The following CNGA1 variants were observed in gnomAD, a reference collection of about 807,000 sequenced individuals.
CNGA1 encodes the protein cyclic nucleotide-gated channel alpha-1.
Under a neutral mutation model 69.7 loss-of-function variants are expected in CNGA1, and 53 were observed. The ratio of observed to expected loss-of-function variants is 0.76; its 90% confidence interval spans 0.61 to 0.96. CNGA1 has a LOEUF of 0.96. CNGA1 is among the 40% of genes least tolerant of loss of function. The probability of loss-of-function intolerance (pLI) is 0.00; values close to 1 mark genes in which losing one functional copy is unlikely to be tolerated. For missense variants in CNGA1, 739 were observed against 811.2 expected (o/e 0.91, Z 1.08); for synonymous variants, 249 against 283.5 (o/e 0.88, Z 1.22).
At chr4:47,939,956 A>G (rs1014341892) in intron 10 of CNGA1, among the ~76,000 whole-genome samples, 5 of 152,210 alleles carry the variant, frequency 3.3e-5, no homozygotes, top group Non-Finnish European at 5.9e-5. Flanking sequence ...TACCCCTTCG[A>G]TGTGAAGCAT....
At chr4:48,010,530 C>T (rs1297264580) in intron 2 of CNGA1, among the ~76,000 whole-genome samples, 1 of 152,102 alleles carries the variant, frequency 6.6e-6, no homozygotes, top group Non-Finnish European at 1.5e-5. Flanking sequence ...TGGGTCGCTT[C>T]CAAGATGGTG....
chr4:47,987,707 T>C (rs1219461545), intron 2 of CNGA1, among the ~76,000 whole-genome samples: 3 of 152,114 alleles, frequency 2.0e-5, no homozygotes, highest in Non-Finnish European at 2.9e-5. Flanking sequence ...ATTATTGATA[T>C]GATAAAGAAG....
intron 2 of CNGA1, among the ~76,000 whole-genome samples, chr4:47,988,351 G>A (rs183063731): frequency 3.3e-5 from 5 of 152,098 alleles, no homozygotes; most frequent in African/African-American, 1.2e-4. Flanking sequence ...TAAAGAAAAA[G>A]GAAAATAAGG....
At chr4:47,976,262 TATATATATAC>T (rs1741386445) in intron 3 of CNGA1, among the ~76,000 whole-genome samples, 3 of 32,942 alleles carry the variant, frequency 9.1e-5, no homozygotes, top group African/African-American at 9.1e-4. Flanking sequence ...TACACATACA[TATATATATAC>T]ATATATATGT....
chr4:48,007,131 G>C (rs1021033406), intron 2 of CNGA1, among the ~76,000 whole-genome samples: 3 of 151,388 alleles, frequency 2.0e-5, no homozygotes, highest in African/African-American at 7.3e-5. Context: ...AATAAAAACA[G>C]CATGAAGCCA....
chr4:48,000,741 C>G (rs35435999), intron 2 of CNGA1, among the ~76,000 whole-genome samples: 172 of 7,578 alleles, frequency 0.023, 1 homozygote, highest in South Asian at 0.032. Flanking sequence ...GTGGGGGAAG[C>G]GGGGGGGTGG....
chr4:47,945,579 G>T (rs1347127471), intron 6 of CNGA1, among the ~76,000 whole-genome samples: 2 of 152,160 alleles, frequency 1.3e-5, no homozygotes, highest in Non-Finnish European at 2.9e-5. Context: ...ATAGATTCCT[G>T]GATGAGATAT....
In CNGA1 at chr4:47,984,704, AAT is replaced by A. The variant is rs765391486; in HGVS notation, c.-122-3206_-122-3205del. 6.1e-3 allele frequency among the ~76,000 whole-genome samples: 911 copies of A among 149,668 alleles called. 7 individuals are homozygous for A. The highest frequency in any genetic ancestry group is 9.4e-3 in the Non-Finnish European group (630 of 67,236). On this transcript the variant is annotated intron_variant, in intron 2 of 10. Transcript: ENST00000514170. ...CACACACACACACACATATATATAT[AAT>A]ATATATAATTGTCCCTCACATCTAA...
intron 3 of CNGA1, among the ~76,000 whole-genome samples, chr4:47,965,587 C>G (rs923402950): frequency 3.9e-5 from 6 of 151,924 alleles, no homozygotes; most frequent in African/African-American, 1.2e-4. Context: ...CCACCAGGCC[C>G]GGCTAATTTT....
intron 5 of CNGA1, 42 bp from the exon 6 acceptor site, chr4:47,949,937 A>C: frequency 6.4e-7 from 1 of 1,568,432 alleles, no homozygotes; most frequent in Non-Finnish European, 8.8e-7. Flanking sequence ...AGTAGTCACC[A>C]TCTGTATAAT....
chr4:48,013,070 TACAGC>T (rs2109358831), intron 1 of CNGA1: 1 of 152,340 alleles, frequency 6.6e-6, no homozygotes, highest in South Asian at 2.1e-4. Flanking sequence ...AGAGAAGTTG[TACAGC>T]AAAATAAACT....
chr4:48,013,060 AG>A (rs1715238265), intron 1 of CNGA1: 1 of 152,226 alleles, frequency 6.6e-6, no homozygotes, highest in South Asian at 2.1e-4. Context: ...ACTCCAAAAA[AG>A]AGAAGTTGTA....
At chr4:47,991,307 C>A (rs1742256698) in intron 2 of CNGA1, among the ~76,000 whole-genome samples, 1 of 152,166 alleles carries the variant, frequency 6.6e-6, no homozygotes, top group African/African-American at 2.4e-5. Flanking sequence ...TCACCGCATC[C>A]ATGCAAACAT....
intron 2 of CNGA1, among the ~76,000 whole-genome samples, chr4:47,995,123 T>A (rs1352835922): frequency 6.6e-6 from 1 of 152,194 alleles, no homozygotes; most frequent in Non-Finnish European, 1.5e-5. Context: ...TTCCTTTGTC[T>A]TAATTTTAGA....
rs121909599 is a variant in CNGA1 at position 47,949,894 on chromosome 4, C to A, written c.226G>T (p.Glu76Ter). Reference sequence around the variant, plus strand: ...GCAATGGCACCAGGCAGGTACTGCTCCCTGGGAAATGAAAAACATGCAGTG... The same window carrying A: ...GCAATGGCACCAGGCAGGTACTGCTACCTGGGAAATGAAAAACATGCAGTG... ...SLRKGGPSQR[E>*]QYLPGAIALF... The change falls in exon 6 of 11, where the codon GAG (glutamate) becomes TAG (stop). Residue 76 changes from glutamate to a stop codon, truncating the protein, a stop_gained and splice_region_variant. Coordinates refer to ENST00000514170, the MANE Select transcript of CNGA1 (RefSeq NM_001379270.1). LOFTEE classifies it high-confidence loss of function. 1 of 1,613,700 alleles carries A rather than the reference C, an allele frequency of 6.2e-7. No homozygotes were observed.
Position 47,943,395 on chromosome 4 carries a change from T to G in CNGA1, c.305A>C (p.Lys102Thr). 6.6e-7 allele frequency: 1 copy of G among 1,509,184 alleles called. No individual in the cohort carries two copies. The highest frequency in any genetic ancestry group is 8.9e-7 in the Non-Finnish European group (1 of 1,125,064). The allele number at this position is 1,509,184 out of a possible 1,614,324, so 93.5% of individuals were successfully genotyped here. A position where few individuals can be genotyped will look rare whatever the true frequency, so the allele number is the denominator to read the frequency against. ...CCTCTTCTTTTCTTTTTTCTTTTTC[T>G]TTTTTTCTTCTGGTTCCCTAAAGAA... ...SNKDQEPEEKKKKKKEKKSKS... is the reference protein window; with the variant it reads ...SNKDQEPEEKTKKKKEKKSKS... Residue 102 changes from lysine (K) to threonine (T), a missense_variant, in exon 7 of 11, where the codon AAG becomes ACG. Physicochemically the swap from Lys to Thr is moderately conservative, Grantham distance 78 (BLOSUM62 -1). Transcript: ENST00000514170.
chr4:47,974,067 T>TGTAGATAG (rs778069204), intron 3 of CNGA1, among the ~76,000 whole-genome samples: 233 of 125,278 alleles, frequency 1.9e-3, no homozygotes, highest in East Asian at 4.2e-3. Flanking sequence ...TAACCTGGTC[T>TGTAGATAG]CTAGATAGAT....
At chr4:47,999,786 A>T (rs1422220895) in intron 2 of CNGA1, among the ~76,000 whole-genome samples, 1 of 152,076 alleles carries the variant, frequency 6.6e-6, no homozygotes, top group Non-Finnish European at 1.5e-5. Context: ...TAGGAGAATC[A>T]CTTGAACCCA....
chr4:47,955,688 C>T (rs1740047274), intron 3 of CNGA1, among the ~76,000 whole-genome samples: 1 of 152,206 alleles, frequency 6.6e-6, no homozygotes, highest in Non-Finnish European at 1.5e-5. Flanking sequence ...AGGCCACTGA[C>T]TCCTCGCCCT....
Sources: allele counts gnomAD v4.1 joint callset (sites outside exome capture counted in the v4.1 genomes callset), GRCh38; gene constraint gnomAD v4.1.1; transcripts MANE v1.5; gene names NCBI Gene and HGNC (gene_info 2026-07-23, HGNC 2026-07-21).